The following ROBO2 variants were observed in gnomAD, a reference collection of about 807,000 sequenced individuals.
ROBO2 encodes roundabout homolog 2.
ROBO2 carries 53 observed loss-of-function variants against 160.8 expected under a neutral mutation model. The ratio of observed to expected loss-of-function variants is 0.33; its 90% CI spans 0.26 to 0.41. The LOEUF (loss-of-function observed/expected upper bound fraction) is 0.41. Ranked by LOEUF, ROBO2 falls within the 10% of genes least tolerant of loss-of-function variation. The pLI, the probability that ROBO2 is intolerant of heterozygous loss-of-function variation, is 1.00. For synonymous variants in ROBO2, 664 were observed against 611.7 expected, an observed-to-expected ratio of 1.09 and a Z score of -1.26; for missense variants, 1,577 against 1,722.4, an observed-to-expected ratio of 0.92 and a Z score of 1.49.
chr3:76,194,165 T>A (rs1461194888), intron 2 of ROBO2, among the ~76,000 whole-genome samples: 2 of 151,636 alleles, frequency 1.3e-5, no homozygotes, highest in Non-Finnish European at 2.9e-5. Context: ...AATTTCATTA[T>A]GGGGGTGTTT....
intron 2 of ROBO2, among the ~76,000 whole-genome samples, chr3:76,822,774 A>G (rs2066233641): frequency 6.6e-6 from 1 of 151,864 alleles, no homozygotes; most frequent in Admixed American, 6.6e-5. Flanking sequence ...GACCCTCTAC[A>G]AATTTTCATG....
chr3:77,000,357 C>G (rs2061273490), intron 2 of ROBO2, among the ~76,000 whole-genome samples: 1 of 152,164 alleles, frequency 6.6e-6, no homozygotes, highest in African/African-American at 2.4e-5. Context: ...TAGATCCACA[C>G]CCTGCCTCCA....
chr3:76,771,678 G>A (rs2061914175), intron 2 of ROBO2, among the ~76,000 whole-genome samples: 2 of 151,066 alleles, frequency 1.3e-5, no homozygotes, highest in South Asian at 2.1e-4. Flanking sequence ...CATCACTGGT[G>A]TTACACAGTA....
At chr3:77,348,559 C>T (rs1429938803) in intron 2 of ROBO2, among the ~76,000 whole-genome samples, 1 of 152,134 alleles carries the variant, frequency 6.6e-6, no homozygotes, top group Non-Finnish European at 1.5e-5. Context: ...GGAATACAGC[C>T]CGGTAAGTTT....
At chr3:77,327,361 G>A (rs936365233) in intron 2 of ROBO2, among the ~76,000 whole-genome samples, 9 of 152,238 alleles carry the variant, frequency 5.9e-5, no homozygotes, top group African/African-American at 2.2e-4. Context: ...AAACTGACAG[G>A]TCTGTATCTT....
chr3:77,554,631 A>G (rs1000294739), intron 8 of ROBO2, among the ~76,000 whole-genome samples: 2 of 151,992 alleles, frequency 1.3e-5, no homozygotes, highest in Non-Finnish European at 1.5e-5. Flanking sequence ...AGACTTCAGT[A>G]GAGGAAGTAA....
chr3:77,008,019 A>C (rs1316830726), intron 2 of ROBO2, among the ~76,000 whole-genome samples: 1 of 151,988 alleles, frequency 6.6e-6, no homozygotes, highest in East Asian at 1.9e-4. Flanking sequence ...CATATTTTTA[A>C]ATTTTTAATG....
At chr3:75,958,752 C>T (rs1214440326) in intron 2 of ROBO2, among the ~76,000 whole-genome samples, 8 of 151,680 alleles carry the variant, frequency 5.3e-5, no homozygotes, top group Non-Finnish European at 1.2e-4. Flanking sequence ...ATTACAAATT[C>T]TTATATCTTT....
intron 2 of ROBO2, among the ~76,000 whole-genome samples, chr3:76,255,480 A>C (rs1395695677): frequency 6.6e-6 from 1 of 152,068 alleles, no homozygotes; most frequent in Non-Finnish European, 1.5e-5. Flanking sequence ...TCTTTCTACA[A>C]AACTCAATCC....
rs764997351 is a variant in ROBO2 at position 77,550,996 on chromosome 3, T to C, written c.1231+7T>C. 1 of 1,612,432 alleles carries C rather than the reference T, an allele frequency of 6.2e-7. No homozygotes were observed. Among genetic ancestry groups the C allele is most frequent in the Non-Finnish European group, 8.5e-7 (1 of 1,178,900 alleles). On this transcript the variant is annotated splice_region_variant and intron_variant, in intron 8 of 25. Coordinates refer to ENST00000461745, the Ensembl canonical transcript of ROBO2. ...CAACTGGAGGTTACTGATGGTGCGATATCTTTACTAGATTTGTCTTATGAA... is the reference window on the plus strand; with the variant it reads ...CAACTGGAGGTTACTGATGGTGCGACATCTTTACTAGATTTGTCTTATGAA...
At chr3:76,899,266 T>A (rs2075048692) in intron 2 of ROBO2, among the ~76,000 whole-genome samples, 1 of 152,110 alleles carries the variant, frequency 6.6e-6, no homozygotes, top group South Asian at 2.1e-4. Context: ...ACAAAAAGAA[T>A]TAGGATGCTT....
intron 2 of ROBO2, among the ~76,000 whole-genome samples, chr3:76,369,875 A>C (rs1354516393): frequency 2.0e-5 from 3 of 151,958 alleles, no homozygotes; most frequent in African/African-American, 7.2e-5. Flanking sequence ...TTGTTTCTCT[A>C]CCTAGACTTG....
chr3:75,930,097 C>T (rs557154213), intron 1 of ROBO2, among the ~76,000 whole-genome samples: 29 of 152,330 alleles, frequency 1.9e-4, no homozygotes, highest in East Asian at 9.6e-4. Context: ...AGGACCATTA[C>T]GAACCTCTGT....
chr3:76,014,802 C>T (rs201038002), intron 2 of ROBO2, among the ~76,000 whole-genome samples: 5 of 152,154 alleles, frequency 3.3e-5, no homozygotes, highest in Admixed American at 6.5e-5. Flanking sequence ...GTGGCACGTG[C>T]GTGTAGTCCC....
chr3:76,298,740 C>G (rs921882612), intron 2 of ROBO2, among the ~76,000 whole-genome samples: 1 of 152,120 alleles, frequency 6.6e-6, no homozygotes, highest in African/African-American at 2.4e-5. Context: ...ACCAAGATTC[C>G]GCCATTGGTT....
intron 2 of ROBO2, among the ~76,000 whole-genome samples, chr3:77,456,549 A>G (rs1273924654): frequency 6.6e-6 from 1 of 152,218 alleles, no homozygotes; most frequent in Non-Finnish European, 1.5e-5. Context: ...TGAGAAATTC[A>G]GTGGCGAATC....
At chr3:76,555,403 A>AAGAAGAAGAAGAAGAAGAAGG (rs2083689347) in intron 2 of ROBO2, among the ~76,000 whole-genome samples, 1 of 71,768 alleles carries the variant, frequency 1.4e-5, no homozygotes, top group African/African-American at 2.9e-5. Context: ...GAAGAAGAAG[A>AAGAAGAAGAAGAAGAAGAAGG]AGAAGAAGAA....
chr3:76,237,231 A>C (rs549762673), intron 2 of ROBO2, among the ~76,000 whole-genome samples: 3 of 152,256 alleles, frequency 2.0e-5, no homozygotes, highest in Admixed American at 2.0e-4. Flanking sequence ...CTTGGTGTTA[A>C]AGTCACTTTA....
At chr3:76,028,019 C>A (rs1466844368) in intron 2 of ROBO2, among the ~76,000 whole-genome samples, 1 of 151,528 alleles carries the variant, frequency 6.6e-6, no homozygotes, top group East Asian at 1.9e-4. Context: ...AGGCTATTGG[C>A]AAAAAGTGTG....
Sources: allele counts gnomAD v4.1 joint callset (sites outside exome capture counted in the v4.1 genomes callset), GRCh38; gene constraint gnomAD v4.1.1; transcripts MANE v1.5; gene names NCBI Gene and HGNC (gene_info 2026-07-23, HGNC 2026-07-21).